Variants in KIF27 observed in about 807,000 individuals in gnomAD.
KIF27 encodes the protein kinesin-like protein KIF27.
Under a neutral mutation model 141.8 loss-of-function variants are expected in KIF27, and 84 were observed. The ratio of observed to expected loss-of-function variants is 0.59; its 90% CI spans 0.50 to 0.71. The LOEUF (loss-of-function observed/expected upper bound fraction) is 0.71, where lower values mean the gene tolerates loss of function less well. Ranked by LOEUF, KIF27 falls within the 30% of genes least tolerant of loss-of-function variation. The pLI, the probability that KIF27 is intolerant of heterozygous loss-of-function variation, is 0.00. For missense variants in KIF27, 1,306 were observed against 1,628.4 expected, an observed-to-expected ratio of 0.80 and a Z score of 3.41; for synonymous variants, 471 against 569.5, an observed-to-expected ratio of 0.83 and a Z score of 2.46.
chr9:83,845,080 C>T (rs1947083878), intron 16 of KIF27, among the ~76,000 whole-genome samples: 2 of 152,170 alleles, frequency 1.3e-5, no homozygotes, highest in Admixed American at 6.5e-5. Context: ...TCCAATGGTG[C>T]TTGAGGTGTC....
At chr9:83,892,429 T>TA (rs1371211010) in intron 5 of KIF27, among the ~76,000 whole-genome samples, 1 of 151,290 alleles carries the variant, frequency 6.6e-6, no homozygotes, top group African/African-American at 2.4e-5. Context: ...GGATAACCAC[T>TA]AAAAAAAGAG....
Position 83,903,123 on chromosome 9 carries a change from A to G in KIF27, c.1395T>C (p.Ser465=). ...TAACATGCTGTGGTCCTTCTTCCAG[A>G]CTTGCAGTGCCTCCGATTCCTCGAA... is the stretch of plus-strand genomic sequence containing the variant. ...TSFRGIGGTA[S]LEEGPQHVTV... The change falls in exon 4 of 18, where the codon AGT becomes AGC. Residue 465 remains serine (S), a synonymous_variant. Coordinates refer to ENST00000297814, the MANE Select transcript of KIF27 (RefSeq NM_017576.4). 1 of 1,614,152 alleles carries G rather than the reference A, an allele frequency of 6.2e-7. No homozygotes were observed. Among genetic ancestry groups the G allele is most frequent in the Non-Finnish European group, 8.5e-7 (1 of 1,180,040 alleles).
chr9:83,905,256 T>C (rs989925712), intron 3 of KIF27, among the ~76,000 whole-genome samples: 1 of 152,020 alleles, frequency 6.6e-6, no homozygotes, highest in Non-Finnish European at 1.5e-5. Context: ...GTAGCTGGGA[T>C]TACAGGCGCC....
chr9:83,873,762 C>A lies in KIF27; in HGVS notation c.2644-3130G>T, dbSNP rs1051590420. 7.2e-5 allele frequency among the ~76,000 whole-genome samples: 11 copies of A among 152,110 alleles called. No homozygotes were observed. The South Asian group carries it at 8.3e-4, about 11-fold the overall frequency. ...CTCTCTACGTAGTATTTCTGTTTGT[C>A]CACATACACTTTAAAAGTATACTGC... On this transcript the variant is annotated intron_variant, in intron 11 of 17. Coordinates refer to ENST00000297814, the MANE Select transcript of KIF27 (RefSeq NM_017576.4).
intron 16 of KIF27, among the ~76,000 whole-genome samples, chr9:83,846,337 C>G (rs1947272427): frequency 6.6e-6 from 1 of 152,210 alleles, no homozygotes; most frequent in Admixed American, 6.5e-5. Context: ...CATGGACTCA[C>G]AGAGTGCCTT....
intron 4 of KIF27, among the ~76,000 whole-genome samples, chr9:83,902,398 T>C (rs1208682791): frequency 6.6e-6 from 1 of 152,202 alleles, no homozygotes; most frequent in Non-Finnish European, 1.5e-5. Flanking sequence ...AGGTGTGTCC[T>C]GTCCTCCACT....
Position 83,903,170 on chromosome 9 carries a change from T to C in KIF27, c.1348A>G (p.Arg450Gly). The C allele has an allele frequency of 6.2e-7, 1 of 1,614,196 alleles. No homozygotes were observed. Among genetic ancestry groups the C allele is most frequent in the African/African-American group, 1.3e-5 (1 of 75,064 alleles). The change falls in exon 4 of 18, where the codon AGG (arginine) becomes GGG (glycine). Residue 450 changes from arginine (R) to glycine (G), a missense_variant. Arg to Gly is a moderately radical substitution (Grantham distance 125). Transcript: ENST00000297814. ...CGAAATGAGGTGAGGACAGCCTTCC[T>C]GACCTCTTGGATCATGTTAAACCAC... Reference protein sequence around the residue: ...QEWFNMIQEVRKAVLTSFRGI... With the variant: ...QEWFNMIQEVGKAVLTSFRGI...
Position 83,842,364 on chromosome 9 carries a change from T to C in KIF27, c.3594A>G (p.Thr1198=), listed in dbSNP as rs769780309. ...CCAACTGCTGGATTTTATCTTCATA[T>C]GTTTTGAAAGTTTCCATAATGCCTT... ...DGEGIMETFK[T]YEDKIQQLEK... The change falls in exon 17 of 18, where the codon ACA becomes ACG. Residue 1198 remains threonine, a synonymous_variant. Coordinates refer to ENST00000297814, the MANE Select transcript of KIF27 (RefSeq NM_017576.4). 139 of 1,535,690 alleles carry C rather than the reference T, an allele frequency of 9.1e-5. No individual in the cohort carries two copies. The highest frequency in any genetic ancestry group is 1.2e-4 in the Non-Finnish European group (134 of 1,149,540).
At chr9:83,907,528 G>T (rs1402474429) in intron 3 of KIF27, among the ~76,000 whole-genome samples, 1 of 151,946 alleles carries the variant, frequency 6.6e-6, no homozygotes, top group Admixed American at 6.6e-5. Flanking sequence ...TAAAATATTT[G>T]CAGTTTGAGC....
At chr9:83,865,013 T>C (rs1397265560) in intron 13 of KIF27, among the ~76,000 whole-genome samples, 1 of 152,154 alleles carries the variant, frequency 6.6e-6, no homozygotes, top group African/African-American at 2.4e-5. Flanking sequence ...CCTTTTTTTG[T>C]TTTCCATTTG....
intron 3 of KIF27, among the ~76,000 whole-genome samples, chr9:83,906,963 A>C (rs898829378): frequency 1.3e-5 from 2 of 151,868 alleles, no homozygotes; most frequent in Non-Finnish European, 2.9e-5. Context: ...CTAAAATGCA[A>C]AACTGTGCGT....
Position 83,908,517 on chromosome 9 carries a change from T to A in KIF27, c.434A>T (p.Asp145Val). 1 of 1,610,726 alleles carries A rather than the reference T, an allele frequency of 6.2e-7. No homozygotes were observed. Among genetic ancestry groups the A allele is most frequent in the Non-Finnish European group, 8.5e-7 (1 of 1,177,152 alleles). ...YIEVYKEDLR[D>V]LLELETSMKD... ...CATGGATGTCTCCAATTCTAGAAGA[T>A]CTCTTAGGTCTTCCTTGTACACTTC... Residue 145 changes from aspartate (D) to valine (V), a missense_variant, in exon 3 of 18, where the codon GAT (aspartate) becomes GTT (valine). By Grantham distance (152) the Asp-to-Val change is radical. Around this residue, in one of 4 missense-constraint regions of KIF27, gnomAD observed 533 missense variants for 565.6 expected, o/e 0.94. Coordinates refer to ENST00000297814, the MANE Select transcript of KIF27 (RefSeq NM_017576.4).
At chr9:83,854,538 T>C (rs1948967350) in intron 14 of KIF27, among the ~76,000 whole-genome samples, 1 of 152,214 alleles carries the variant, frequency 6.6e-6, no homozygotes. Flanking sequence ...TGAATCCCTG[T>C]AGGAAAACCT....
At position 83,835,210 on chromosome 9, in the gene KIF27, G is replaced by A. The variant is rs768402397; in HGVS notation, c.*1791C>T. ...GAAATATATATAATAATGGCAAAAG[G>A]TCAGTGCATTTATACATATTTATAA... On this transcript the variant is annotated 3_prime_UTR_variant, in exon 18 of 18. Transcript: ENST00000297814. Among the ~76,000 whole-genome samples, 1 of 149,878 alleles carries A rather than the reference G, an allele frequency of 6.7e-6. No individual in the cohort carries two copies. The highest frequency in any genetic ancestry group is 2.4e-5 in the African/African-American group (1 of 40,956).
At chr9:83,853,888 T>C in intron 14 of KIF27, 53 bp from the exon 15 acceptor site, 1 of 1,279,254 alleles carries the variant, frequency 7.8e-7, no homozygotes, top group Non-Finnish European at 1.1e-6. Flanking sequence ...ACTTTGACTT[T>C]GTCATATACT....
In KIF27 at chr9:83,903,490, T is replaced by C; in HGVS notation, c.1028A>G (p.Asn343Ser). 3 of 1,614,146 alleles carry C rather than the reference T, an allele frequency of 1.9e-6. No homozygotes were observed. Among genetic ancestry groups the C allele is most frequent in the Non-Finnish European group, 2.5e-6 (3 of 1,180,026 alleles). Residue 343 changes from asparagine to serine, a missense_variant, in exon 4 of 18, where the codon AAC (asparagine) becomes AGC (serine). By Grantham distance (46) the Asn-to-Ser change is conservative. Transcript: ENST00000297814. ...KYANRARNIR[N>S]KPTVNFSPES... ...GGGGCTGAAGTTTACAGTGGGTTTG[T>C]TTCTAATGTTCCGTGCTCTGTTGGC...
chr9:83,920,934 A>G (rs371722174), intron 1 of KIF27, among the ~76,000 whole-genome samples: 5 of 150,078 alleles, frequency 3.3e-5, no homozygotes, highest in African/African-American at 9.8e-5. Context: ...CGGTGGGAAA[A>G]AGACGCCTGC....
In KIF27 at chr9:83,887,056, C is replaced by A; in HGVS notation, c.2224G>T (p.Glu742Ter). 6.3e-7 allele frequency: 1 copy of A among 1,581,254 alleles called. No individual in the cohort carries two copies. The highest frequency in any genetic ancestry group is 2.0e-5 in the Admixed American group (1 of 50,348). Reference protein sequence around the residue: ...NIKMKEDLIKELIKTGNDAKS... With the variant: ...NIKMKEDLIK ...ATACTATTACCTGTTTTTATTAATT[C>A]TTTAATCAGATCTTCCTTCATCTTG... is the stretch of plus-strand genomic sequence containing the variant. The change falls in exon 9 of 18, where the codon GAA (glutamate) becomes TAA (stop). Residue 742 changes from glutamate (E) to a stop codon, truncating the protein, a stop_gained. Coordinates refer to ENST00000297814, the MANE Select transcript of KIF27 (RefSeq NM_017576.4). LOFTEE classifies it high-confidence loss of function.
intron 16 of KIF27, chr9:83,848,030 T>C (rs1435975471): frequency 2.5e-5 from 3 of 118,952 alleles, no homozygotes. Flanking sequence ...GCTATATCTA[T>C]ATCTATATAT....
Sources: allele counts gnomAD v4.1 joint callset (sites outside exome capture counted in the v4.1 genomes callset), GRCh38; gene constraint gnomAD v4.1.1; regional missense constraint gnomAD v4.1.1; transcripts MANE v1.5; gene names NCBI Gene and HGNC (gene_info 2026-07-23, HGNC 2026-07-21).